The following FNDC1 variants were observed in gnomAD, a reference collection of about 807,000 sequenced individuals.
FNDC1 encodes fibronectin type III domain-containing protein 1.
In FNDC1, 96 loss-of-function variants were observed where a neutral mutation model predicts 168.0. That is an observed-to-expected ratio of 0.57 (90% CI 0.48 to 0.68). The LOEUF is 0.68. Ranked by LOEUF, FNDC1 falls within the 30% of genes least tolerant of loss-of-function variation. The pLI is 0.00. For synonymous variants in FNDC1, 1,099 were observed against 1,025.9 expected, an observed-to-expected ratio of 1.07 and a Z score of -1.36; for missense variants, 2,587 against 2,482.1, an observed-to-expected ratio of 1.04 and a Z score of -0.90.
intron 14 of FNDC1, among the ~76,000 whole-genome samples, chr6:159,240,239 G>A (rs1331379761): frequency 6.6e-6 from 1 of 152,144 alleles, no homozygotes; most frequent in Non-Finnish European, 1.5e-5. Context: ...TGTTTACTTG[G>A]TGATGCTTAT....
Position 159,214,977 on chromosome 6 carries a change from C to T in FNDC1, c.493C>T (p.Arg165Cys), listed in dbSNP as rs774630537. The change falls in exon 5 of 23, where the codon CGT becomes TGT. Residue 165 changes from arginine (R) to cysteine (C), a missense_variant. Physicochemically the swap from Arg to Cys is radical, Grantham distance 180. Transcript: ENST00000297267. ...AGTGCCCAACAAGCCCTTGCGTGTG[C>T]GTGTCCGGTCCTCAGATGACAGGCT... ...KEVPNKPLRV[R>C]VRSSDDRLSV... 27 of 1,613,872 alleles carry T rather than the reference C, an allele frequency of 1.7e-5. No homozygotes were observed. The East Asian group carries it at 3.1e-4, about 19-fold the overall frequency.
At chr6:159,242,438 G>T (rs1203227998) in intron 14 of FNDC1, among the ~76,000 whole-genome samples, 1 of 152,088 alleles carries the variant, frequency 6.6e-6, no homozygotes, top group Non-Finnish European at 1.5e-5. Context: ...CATGGCACAT[G>T]TTTACCTGTG....
intron 7 of FNDC1, among the ~76,000 whole-genome samples, chr6:159,224,630 G>A (rs1782914199): frequency 1.3e-5 from 2 of 152,200 alleles, no homozygotes; most frequent in Non-Finnish European, 2.9e-5. Flanking sequence ...AACATGAAGT[G>A]TTCCTTTTAC....
intron 19 of FNDC1, among the ~76,000 whole-genome samples, chr6:159,264,442 A>G (rs1777551874): frequency 6.6e-6 from 1 of 152,228 alleles, no homozygotes; most frequent in Admixed American, 6.5e-5. Context: ...AGTGAGCAGT[A>G]TTTCCTTGTA....
Position 159,233,905 on chromosome 6 carries a change from T to G in FNDC1, c.3393T>G (p.His1131Gln). 2 of 1,547,674 alleles carry G rather than the reference T, an allele frequency of 1.3e-6. No homozygotes were observed. Among genetic ancestry groups the G allele is most frequent in the Non-Finnish European group, 1.7e-6 (2 of 1,145,456 alleles). Residue 1131 changes from histidine to glutamine, a missense_variant, in exon 11 of 23, where the codon CAT becomes CAG. His to Gln is a conservative substitution (Grantham distance 24). Transcript: ENST00000297267. This position sits in a 1 kb window ranked among gnomAD's most constrained non-coding sequence, Gnocchi z 4.6. ...GCGACCACAGGTCCCAGCGCGGACA[T>G]GCGGCCTCCCCCGCCAGGCCCAGCC... is the stretch of plus-strand genomic sequence containing the variant. ...AGGDHRSQRG[H>Q]AASPARPSRP...
intron 14 of FNDC1, chr6:159,240,673 C>A (rs539449425): frequency 1.3e-5 from 2 of 152,360 alleles, no homozygotes; most frequent in South Asian, 4.2e-4. Flanking sequence ...CTGAAAATGG[C>A]TTGTTCTCCC....
At chr6:159,219,600 A>T (rs541270282) in intron 5 of FNDC1, among the ~76,000 whole-genome samples, 4 of 152,198 alleles carry the variant, frequency 2.6e-5, no homozygotes, top group African/African-American at 4.8e-5. Context: ...GACTCAATGA[A>T]GATGCGCGCG....
intron 17 of FNDC1, among the ~76,000 whole-genome samples, chr6:159,254,246 A>G (rs1777328695): frequency 6.6e-6 from 1 of 152,118 alleles, no homozygotes; most frequent in Non-Finnish European, 1.5e-5. Flanking sequence ...GCAGGCTTGT[A>G]CAACATTCAG....
intron 22 of FNDC1, among the ~76,000 whole-genome samples, chr6:159,269,603 CTATCT>C (rs1562316270): frequency 3.7e-4 from 7 of 18,946 alleles, no homozygotes; most frequent in Admixed American, 7.1e-4. Context: ...GTCTGTCTAT[CTATCT>C]ATCTATCTAT....
At chr6:159,203,138 G>A (rs757336660) in intron 4 of FNDC1, among the ~76,000 whole-genome samples, 1 of 152,118 alleles carries the variant, frequency 6.6e-6, no homozygotes, top group Non-Finnish European at 1.5e-5. Flanking sequence ...CAGCCTAATG[G>A]CCTCATTTTA....
In FNDC1 at chr6:159,264,297, G is replaced by C. The variant is rs114477807; in HGVS notation, c.5255-678G>C. ...ATCTGCTTCCTGTCACTATAGATTA[G>C]TTTGCACTTTCTAGATTTGGGTATC... On this transcript the variant is annotated intron_variant, in intron 19 of 22. Coordinates refer to ENST00000297267, the MANE Select transcript of FNDC1 (RefSeq NM_032532.3). 1.8e-3 allele frequency among the ~76,000 whole-genome samples: 279 copies of C among 152,290 alleles called. 1 individual carries two copies. Among genetic ancestry groups the C allele is most frequent in the African/African-American group, 6.5e-3 (272 of 41,564 alleles).
At chr6:159,269,577 ATCTGTCTG>A (rs879656250) in intron 22 of FNDC1, among the ~76,000 whole-genome samples, 28 of 112,710 alleles carry the variant, frequency 2.5e-4, no homozygotes, top group East Asian at 1.1e-3. Context: ...CATCTATCCT[ATCTGTCTG>A]TCTGTCTGTC....
chr6:159,263,901 G>A (rs528023001), intron 19 of FNDC1, among the ~76,000 whole-genome samples: 27 of 152,376 alleles, frequency 1.8e-4, no homozygotes, highest in African/African-American at 6.3e-4. Flanking sequence ...GTTGCAGTGA[G>A]CCGAGATTGT....
At chr6:159,245,746 T>TAATAGTTCTTCTAACCAGGGTTTCCTGGC (rs1562306829) in intron 14 of FNDC1, among the ~76,000 whole-genome samples, 10 of 18,596 alleles carry the variant, frequency 5.4e-4, no homozygotes, top group Middle Eastern at 0.033. Flanking sequence ...ATGGTAATTT[T>TAATAGTTCTTCTAACCAGGGTTTCCTGGC]TTTTTTTTTT....
At chr6:159,216,217 C>T (rs2114969037) in intron 5 of FNDC1, among the ~76,000 whole-genome samples, 1 of 152,348 alleles carries the variant, frequency 6.6e-6, no homozygotes, top group East Asian at 1.9e-4. Flanking sequence ...CCACCTCAGC[C>T]TCCCAAAGTG....
chr6:159,239,253 A>G (rs1294895284), intron 13 of FNDC1, among the ~76,000 whole-genome samples: 1 of 152,198 alleles, frequency 6.6e-6, no homozygotes, highest in Non-Finnish European at 1.5e-5. Flanking sequence ...CCTTTACAGA[A>G]GAAGTTTTCC....
At chr6:159,265,042 A>G (rs1280154011) in intron 20 of FNDC1, 38 bp downstream of exon 20, 1 of 1,534,868 alleles carries the variant, frequency 6.5e-7, no homozygotes, top group East Asian at 2.3e-5. Flanking sequence ...CATTCTGGTA[A>G]TCAAGTTGAA....
chr6:159,190,487 G>A (rs990688691), intron 1 of FNDC1, among the ~76,000 whole-genome samples: 2 of 152,240 alleles, frequency 1.3e-5, no homozygotes, highest in Non-Finnish European at 2.9e-5. Context: ...TTCATGGGGT[G>A]AGGTCTAGGC....
At chr6:159,223,454 G>T (rs776342338) in intron 6 of FNDC1, 74 bp from the exon 7 acceptor site, 20 of 841,152 alleles carry the variant, frequency 2.4e-5, no homozygotes, top group Non-Finnish European at 3.8e-5. Context: ...ATAATAGCCT[G>T]TCAAGGACTG....
Sources: allele counts gnomAD v4.1 joint callset (sites outside exome capture counted in the v4.1 genomes callset), GRCh38; gene constraint gnomAD v4.1.1; non-coding constraint Gnocchi (gnomAD v3.1); transcripts MANE v1.5; gene names NCBI Gene and HGNC (gene_info 2026-07-23, HGNC 2026-07-21).